Variants in ATP10A observed in about 807,000 individuals in gnomAD.
The protein encoded by ATP10A is ATPase phospholipid transporting 10A (putative).
ATP10A carries 111 observed loss-of-function variants against 147.8 expected under a neutral mutation model. That is an observed-to-expected ratio of 0.75 (90% CI 0.64 to 0.88). The LOEUF (loss-of-function observed/expected upper bound fraction) is 0.88, where lower values mean the gene tolerates loss of function less well. Ranked by LOEUF, ATP10A falls within the 40% of genes least tolerant of loss-of-function variation. The pLI, the probability that ATP10A is intolerant of heterozygous loss-of-function variation, is 0.00. For missense variants in ATP10A, 1,927 were observed against 1,959.0 expected (o/e 0.98, Z 0.31); for synonymous variants, 875 against 841.6 (o/e 1.04, Z -0.69).
intron 1 of ATP10A, among the ~76,000 whole-genome samples, chr15:25,817,715 T>C (rs74007410): frequency 5.9e-5 from 9 of 152,334 alleles, no homozygotes; most frequent in African/African-American, 2.2e-4. Context: ...CAAGGTTCAA[T>C]TGTCAGTTCA....
intron 1 of ATP10A, among the ~76,000 whole-genome samples, chr15:25,784,914 C>A (rs1251281128): frequency 1.3e-5 from 2 of 149,948 alleles, no homozygotes; most frequent in Non-Finnish European, 3.0e-5. Context: ...GGAGCGAGAC[C>A]CCGTGTCAAA....
intron 1 of ATP10A, among the ~76,000 whole-genome samples, chr15:25,796,857 A>G (rs1394033896): frequency 6.6e-6 from 1 of 152,256 alleles, no homozygotes. Context: ...TGTTTAAAAA[A>G]TTTAAATTTT....
chr15:25,858,081 A>G (rs1893593787), intron 1 of ATP10A, among the ~76,000 whole-genome samples: 1 of 152,244 alleles, frequency 6.6e-6, no homozygotes, highest in African/African-American at 2.4e-5. Context: ...GCCCAGTAAT[A>G]TATGATATGT....
chr15:25,681,849 C>T (rs564144411), intron 17 of ATP10A, among the ~76,000 whole-genome samples: 4 of 152,060 alleles, frequency 2.6e-5, no homozygotes, highest in Non-Finnish European at 5.9e-5. Flanking sequence ...GTCAGGAGAT[C>T]GAGACCATCC....
At position 25,721,897 on chromosome 15, in the gene ATP10A, T is replaced by C. The variant is rs766890861; in HGVS notation, c.1123A>G (p.Ile375Val). The C allele has an allele frequency of 5.0e-6, 8 of 1,611,092 alleles. No homozygotes were observed. In the African/African-American group the frequency reaches 8.0e-5, roughly 16 times the overall value. Residue 375 changes from isoleucine (I) to valine (V), a missense_variant, in exon 7 of 21, where the codon ATT (isoleucine) becomes GTT (valine). Physicochemically the swap from Ile to Val is conservative, Grantham distance 29 (BLOSUM62 3). Transcript: ENST00000555815. ...MIIVLQVLIPISLYVSIEIVK... is the reference protein window; with the variant it reads ...MIIVLQVLIPVSLYVSIEIVK... ...ATTTCAATGGAAACGTATAAGGAAA[T>C]TGGGATCAAAACCTGGAAGAGACAA...
intron 15 of ATP10A, among the ~76,000 whole-genome samples, chr15:25,689,937 TAGGCA>T (rs1392306129): frequency 6.6e-6 from 1 of 152,234 alleles, no homozygotes; most frequent in Non-Finnish European, 1.5e-5. Context: ...ATGAGGTCAA[TAGGCA>T]CTGCCCCCAT....
At chr15:25,769,699 T>C (rs1313160889) in intron 2 of ATP10A, among the ~76,000 whole-genome samples, 2 of 151,884 alleles carry the variant, frequency 1.3e-5, no homozygotes, top group Non-Finnish European at 2.9e-5. Flanking sequence ...TGCAGTGAAA[T>C]GGATTGATCT....
At chr15:25,767,338 A>G (rs975113316) in intron 2 of ATP10A, among the ~76,000 whole-genome samples, 2 of 152,182 alleles carry the variant, frequency 1.3e-5, no homozygotes, top group Admixed American at 1.3e-4. Flanking sequence ...GAAGCAGAGG[A>G]TGGATGGAGG....
chr15:25,775,512 A>G (rs1283648263), intron 2 of ATP10A, among the ~76,000 whole-genome samples: 1 of 152,210 alleles, frequency 6.6e-6, no homozygotes, highest in Non-Finnish European at 1.5e-5. Flanking sequence ...GTTTAAGAGC[A>G]GTGTTTGTCC....
chr15:25,862,510 G>A (rs1597015561), intron 1 of ATP10A, 138 bp downstream of exon 1: 3 of 1,091,518 alleles, frequency 2.7e-6, no homozygotes, highest in Admixed American at 2.7e-5. Context: ...ACCGGGTCCC[G>A]CGCAGCCGGG....
chr15:25,853,373 C>G (rs1047346227), intron 1 of ATP10A, among the ~76,000 whole-genome samples: 1 of 152,164 alleles, frequency 6.6e-6, no homozygotes, highest in Non-Finnish European at 1.5e-5. Flanking sequence ...AGGAGTCTAA[C>G]AGTCACCCAG....
Position 25,708,220 on chromosome 15 carries a change from G to A in ATP10A, c.2425C>T (p.Arg809Cys), listed in dbSNP as rs1410194848. 11 of 1,614,198 alleles carry A rather than the reference G, an allele frequency of 6.8e-6. No homozygotes were observed. Among genetic ancestry groups the A allele is most frequent in the Non-Finnish European group, 8.5e-6 (10 of 1,180,044 alleles). ...ACTCTCTTGGCGATGCACAAGGTGC[G>A]CAGGCCTTCCGCCGCATACACGTTG... ...YLNVYAAEGL[R>C]TLCIAKRVLS... is the part of the protein sequence containing the mutation. The change falls in exon 11 of 21, where the codon CGC becomes TGC. Residue 809 changes from arginine (R) to cysteine (C), a missense_variant. Physicochemically the swap from Arg to Cys is radical, Grantham distance 180 (BLOSUM62 -3). Coordinates refer to ENST00000555815, the MANE Select transcript of ATP10A (RefSeq NM_024490.4).
chr15:25,830,204 T>C (rs1034577916), intron 1 of ATP10A, among the ~76,000 whole-genome samples: 3 of 151,804 alleles, frequency 2.0e-5, no homozygotes, highest in African/African-American at 7.3e-5. Flanking sequence ...GGAGAGGGGG[T>C]GCAGCCATGC....
intron 1 of ATP10A, among the ~76,000 whole-genome samples, chr15:25,823,373 T>G (rs1891969591): frequency 6.6e-6 from 1 of 152,222 alleles, no homozygotes. Context: ...AGAAGAGTTA[T>G]ATTACACCCA....
chr15:25,772,839 G>A (rs1889408930), intron 2 of ATP10A, among the ~76,000 whole-genome samples: 1 of 152,120 alleles, frequency 6.6e-6, no homozygotes, highest in Non-Finnish European at 1.5e-5. Context: ...TGGGAGGCGG[G>A]GAACATAAGG....
At chr15:25,820,480 T>C (rs1891834310) in intron 1 of ATP10A, among the ~76,000 whole-genome samples, 1 of 151,776 alleles carries the variant, frequency 6.6e-6, no homozygotes, top group African/African-American at 2.4e-5. Flanking sequence ...CAACTAAAAC[T>C]CCAAAGTCGA....
In ATP10A at chr15:25,802,249, C is replaced by T. The variant is rs971141137; in HGVS notation, c.450-21026G>A. Reference sequence around the variant, plus strand: ...GCAGCACAGACCGAGCTGTTCTCAACGTCGGAATCTCAGCCCGAGGCTGTG... The same window carrying T: ...GCAGCACAGACCGAGCTGTTCTCAATGTCGGAATCTCAGCCCGAGGCTGTG... On this transcript the variant is annotated intron_variant, in intron 1 of 20. Coordinates refer to ENST00000555815, the MANE Select transcript of ATP10A (RefSeq NM_024490.4). Among the ~76,000 whole-genome samples the T allele has an allele frequency of 5.3e-5, 8 of 152,310 alleles. No homozygotes were observed. In the Middle Eastern group the frequency reaches 0.01, roughly 194 times the overall value.
intron 3 of ATP10A, among the ~76,000 whole-genome samples, chr15:25,731,819 A>G (rs907961414): frequency 6.6e-6 from 1 of 152,206 alleles, no homozygotes; most frequent in African/African-American, 2.4e-5. Flanking sequence ...TATATTTCAC[A>G]TACTATAATG....
At chr15:25,673,740 A>AT (rs11361951), downstream of ATP10A, among the ~76,000 whole-genome samples, 8 of 151,796 alleles carry the variant, frequency 5.3e-5, no homozygotes, top group African/African-American at 1.4e-4. Context: ...ACAACAAACT[A>AT]TTTTTTTTTC....
Sources: allele counts gnomAD v4.1 joint callset (sites outside exome capture counted in the v4.1 genomes callset), GRCh38; gene constraint gnomAD v4.1.1; transcripts MANE v1.5; gene names NCBI Gene and HGNC (gene_info 2026-07-23, HGNC 2026-07-21).